PCDH9: variants seen among roughly 807,000 people sequenced by gnomAD.
PCDH9 encodes protocadherin-9.
Under a neutral mutation model 70.6 loss-of-function variants are expected in PCDH9, and 24 were observed. That is an observed-to-expected ratio of 0.34 (90% CI 0.25 to 0.48). PCDH9 has a LOEUF of 0.48. Ranked by LOEUF, PCDH9 falls within the 20% of genes least tolerant of loss-of-function variation. The pLI is 0.99. For synonymous variants in PCDH9, 562 were observed against 558.5 expected (o/e 1.01, Z -0.09); for missense variants, 1,281 against 1,503.6 (o/e 0.85, Z 2.45).
intron 3 of PCDH9, among the ~76,000 whole-genome samples, chr13:66,667,820 T>C (rs1320476820): frequency 2.6e-5 from 4 of 152,170 alleles, no homozygotes; most frequent in African/African-American, 9.6e-5. Context: ...AACCTATACT[T>C]AGCTTCACAA....
At position 66,434,168 on chromosome 13, in the gene PCDH9, G is replaced by T. The variant is rs140693944; in HGVS notation, c.3341-129140C>A. 4.1e-3 allele frequency among the ~76,000 whole-genome samples: 628 copies of T among 151,962 alleles called. 20 individuals carry two copies. The East Asian group carries it at 0.078, about 19-fold the overall frequency. ...AATTTGAGAACTCTTATCAAAATCT[G>T]CAAGAAAGTCATATTTGACCACAGT... On this transcript the variant is annotated intron_variant, in intron 4 of 4. Coordinates refer to ENST00000377865, the MANE Select transcript of PCDH9 (RefSeq NM_203487.3).
chr13:66,810,419 G>A (rs951770510), intron 3 of PCDH9, among the ~76,000 whole-genome samples: 2 of 151,868 alleles, frequency 1.3e-5, no homozygotes, highest in African/African-American at 4.8e-5. Flanking sequence ...TGAGACAATG[G>A]ATACGTCATT....
At chr13:67,131,805 G>A (rs923157312) in intron 2 of PCDH9, among the ~76,000 whole-genome samples, 1 of 152,094 alleles carries the variant, frequency 6.6e-6, no homozygotes, top group African/African-American at 2.4e-5. Flanking sequence ...GGACTTTAGG[G>A]TGCTACCTGA....
intron 2 of PCDH9, among the ~76,000 whole-genome samples, chr13:67,098,071 C>G (rs1161353314): frequency 1.3e-5 from 2 of 151,942 alleles, no homozygotes; most frequent in African/African-American, 4.8e-5. Context: ...AATTTCTGAC[C>G]CTGAAGTATA....
At chr13:66,535,475 A>T (rs1364165527) in intron 4 of PCDH9, among the ~76,000 whole-genome samples, 2 of 152,058 alleles carry the variant, frequency 1.3e-5, no homozygotes, top group Non-Finnish European at 2.9e-5. Context: ...AGCTGTAGTT[A>T]CTTCTGCTCA....
intron 2 of PCDH9, among the ~76,000 whole-genome samples, chr13:67,141,545 A>G (rs2087389006): frequency 6.6e-6 from 1 of 151,926 alleles, no homozygotes; most frequent in South Asian, 2.1e-4. Flanking sequence ...GGTTCAAGTG[A>G]TTCTCCTGCC....
At position 66,443,349 on chromosome 13, in the gene PCDH9, T is replaced by C. The variant is rs139938651; in HGVS notation, c.3341-138321A>G. Among the ~76,000 whole-genome samples the C allele has an allele frequency of 1.3e-3, 200 of 152,278 alleles. 3 individuals are homozygous for C. Among genetic ancestry groups the C allele is most frequent in the Non-Finnish European group, 5.1e-4 (35 of 68,016 alleles). On this transcript the variant is annotated intron_variant, in intron 4 of 4. Transcript: ENST00000377865. ...TGAATTTTAATGGTCAAAAAGGGCA[T>C]AGCATTTTAAATTCTGACAATTTTT...
At chr13:66,329,965 G>A (rs1955912783) in intron 4 of PCDH9, among the ~76,000 whole-genome samples, 1 of 152,110 alleles carries the variant, frequency 6.6e-6, no homozygotes, top group Admixed American at 6.6e-5. Context: ...AAAACATCTG[G>A]TAGCTGTTCT....
intron 2 of PCDH9, among the ~76,000 whole-genome samples, chr13:66,943,599 T>G (rs2083040727): frequency 6.6e-6 from 1 of 152,076 alleles, no homozygotes; most frequent in Non-Finnish European, 1.5e-5. Context: ...AACCCCTTTT[T>G]CAAATTGACT....
chr13:66,456,795 A>C (rs1435948773), intron 4 of PCDH9, among the ~76,000 whole-genome samples: 1 of 152,092 alleles, frequency 6.6e-6, no homozygotes, highest in Non-Finnish European at 1.5e-5. Flanking sequence ...ATTTGGAAAG[A>C]ATCTTTCATT....
At chr13:66,701,372 T>A (rs2078645709) in intron 3 of PCDH9, among the ~76,000 whole-genome samples, 1 of 152,054 alleles carries the variant, frequency 6.6e-6, no homozygotes, top group African/African-American at 2.4e-5. Context: ...TATACCAGTG[T>A]ATGTGTAAAT....
chr13:66,342,314 A>G (rs1023380048), intron 4 of PCDH9, among the ~76,000 whole-genome samples: 4 of 152,222 alleles, frequency 2.6e-5, no homozygotes, highest in Non-Finnish European at 5.9e-5. Flanking sequence ...TTAATAAAAC[A>G]CAACAACTTG....
chr13:66,334,101 C>T (rs1210067276), intron 4 of PCDH9, among the ~76,000 whole-genome samples: 2 of 152,038 alleles, frequency 1.3e-5, no homozygotes, highest in Non-Finnish European at 2.9e-5. Context: ...TAACTACAGT[C>T]GCTCTACTGT....
At chr13:66,497,371 A>G (rs1227196878) in intron 4 of PCDH9, among the ~76,000 whole-genome samples, 1 of 152,104 alleles carries the variant, frequency 6.6e-6, no homozygotes, top group Non-Finnish European at 1.5e-5. Flanking sequence ...TGTTAGACTC[A>G]TATCAAGAAT....
At chr13:66,527,830 G>C (rs1593624956) in intron 4 of PCDH9, among the ~76,000 whole-genome samples, 1 of 152,040 alleles carries the variant, frequency 6.6e-6, no homozygotes, top group Non-Finnish European at 1.5e-5. Context: ...CCAGCCTGGG[G>C]AACATGGCAA....
At chr13:66,901,124 C>T (rs990058240) in intron 3 of PCDH9, among the ~76,000 whole-genome samples, 2 of 151,418 alleles carry the variant, frequency 1.3e-5, no homozygotes, top group African/African-American at 2.4e-5. Context: ...AAAAAAAACT[C>T]GAAAGATGAC....
intron 3 of PCDH9, among the ~76,000 whole-genome samples, chr13:66,874,785 C>T (rs1463077365): frequency 1.3e-5 from 2 of 152,078 alleles, no homozygotes; most frequent in African/African-American, 4.8e-5. Context: ...GGCTTGAAGG[C>T]TTCTCTAAAT....
At chr13:66,429,272 CA>C in intron 4 of PCDH9, among the ~76,000 whole-genome samples, 1 of 151,506 alleles carries the variant, frequency 6.6e-6, no homozygotes, top group African/African-American at 2.4e-5. Context: ...AGAATGTACC[CA>C]AAAGAATTCA....
intron 3 of PCDH9, among the ~76,000 whole-genome samples, chr13:66,834,528 A>T (rs2080983364): frequency 6.6e-6 from 1 of 152,192 alleles, no homozygotes; most frequent in Admixed American, 6.5e-5. Context: ...TATCTTAAAC[A>T]TTGTAGAATC....
Sources: gnomAD v4.1 joint callset for allele counts (sites outside exome capture counted in the v4.1 genomes callset) on GRCh38, gnomAD v4.1.1 for gene constraint, MANE v1.5 for transcripts, NCBI Gene and HGNC (gene_info 2026-07-23, HGNC 2026-07-21) for gene names.